The following CHN2 variants were observed in gnomAD, a reference collection of about 807,000 sequenced individuals.
CHN2 encodes chimerin 2.
Under a neutral mutation model 56.3 loss-of-function variants are expected in CHN2, and 35 were observed. That is an observed-to-expected ratio of 0.62 (90% CI 0.47 to 0.82). The LOEUF is 0.82. Among genes scored for constraint, CHN2 ranks in the 40% least tolerant of loss-of-function variants. The pLI, the probability that CHN2 is intolerant of heterozygous loss-of-function variation, is 0.00. For missense variants in CHN2, 491 were observed against 580.5 expected (o/e 0.85, Z 1.58); for synonymous variants, 210 against 212.8 (o/e 0.99, Z 0.12).
chr7:29,163,881 T>G (rs1012233919), intron 2 of CHN2, among the ~76,000 whole-genome samples: 4 of 152,248 alleles, frequency 2.6e-5, no homozygotes, highest in Non-Finnish European at 4.4e-5. Flanking sequence ...CTGAATTCAT[T>G]GCTGAATTGG....
intron 1 of CHN2, among the ~76,000 whole-genome samples, chr7:29,222,916 T>G (rs1483640178): frequency 6.6e-6 from 1 of 152,140 alleles, no homozygotes; most frequent in Non-Finnish European, 1.5e-5. Context: ...AGCAAAGGAA[T>G]AGAATAGAGT....
intron 1 of CHN2, among the ~76,000 whole-genome samples, chr7:29,223,349 G>T (rs114033665): frequency 6.6e-6 from 1 of 152,012 alleles, no homozygotes; most frequent in African/African-American, 2.4e-5. Flanking sequence ...GTCTTGCCTT[G>T]TGTCCACAGC....
chr7:29,505,404 G>A (rs1274320878), intron 10 of CHN2, among the ~76,000 whole-genome samples: 1 of 152,106 alleles, frequency 6.6e-6, no homozygotes, highest in African/African-American at 2.4e-5. Context: ...AAGCCCTACT[G>A]GATAGAGCCT....
intron 1 of CHN2, among the ~76,000 whole-genome samples, chr7:29,215,215 G>A (rs1186899377): frequency 1.3e-5 from 2 of 152,170 alleles, no homozygotes; most frequent in African/African-American, 4.8e-5. Context: ...TACCCAGTCT[G>A]AGATTTTTGT....
chr7:29,213,034 G>A, intron 1 of CHN2: 1 of 1,602,932 alleles, frequency 6.2e-7, no homozygotes, highest in Non-Finnish European at 8.5e-7. Flanking sequence ...CTGTGGAGAG[G>A]AATCTCTGCA....
chr7:29,266,445 C>T (rs185223326), intron 1 of CHN2, among the ~76,000 whole-genome samples: 51 of 152,284 alleles, frequency 3.3e-4, no homozygotes, highest in Admixed American at 5.9e-4. Flanking sequence ...CAGCTTTTGT[C>T]GGTCAATTAC....
intron 2 of CHN2, among the ~76,000 whole-genome samples, chr7:29,182,601 A>G (rs1214771909): frequency 6.6e-6 from 1 of 152,258 alleles, no homozygotes; most frequent in Non-Finnish European, 1.5e-5. Context: ...TAAAATATCA[A>G]TTCAACGTTC....
At chr7:29,255,442 T>C (rs1584882751) in intron 1 of CHN2, among the ~76,000 whole-genome samples, 1 of 152,166 alleles carries the variant, frequency 6.6e-6, no homozygotes, top group Admixed American at 6.5e-5. Context: ...CCCTCCACAC[T>C]GAGAAGCCTT....
intron 1 of CHN2, among the ~76,000 whole-genome samples, chr7:29,311,684 T>C (rs569553182): frequency 6.6e-6 from 1 of 152,312 alleles, no homozygotes; most frequent in South Asian, 2.1e-4. Flanking sequence ...CCCTACCACA[T>C]TGTAGAGGGG....
intron 1 of CHN2, among the ~76,000 whole-genome samples, chr7:29,208,590 C>T (rs1784694917): frequency 6.6e-6 from 1 of 152,086 alleles, no homozygotes; most frequent in East Asian, 1.9e-4. Flanking sequence ...TTAGACTTTG[C>T]TCCTCCTGCT....
intron 6 of CHN2, among the ~76,000 whole-genome samples, chr7:29,467,142 G>A (rs1028928329): frequency 5.3e-5 from 8 of 152,162 alleles, no homozygotes; most frequent in Non-Finnish European, 1.0e-4. Context: ...GTTAGAGCGT[G>A]CACAATATAT....
chr7:29,252,610 A>T (rs1788715358), intron 1 of CHN2, among the ~76,000 whole-genome samples: 1 of 1,932 alleles, frequency 5.2e-4, no homozygotes. Flanking sequence ...TTTTTTTGAG[A>T]CGGAGTCTCG....
intron 1 of CHN2, among the ~76,000 whole-genome samples, chr7:29,328,371 T>C (rs1795965873): frequency 6.6e-6 from 1 of 152,102 alleles, no homozygotes; most frequent in African/African-American, 2.4e-5. Context: ...CTCAAGCCGA[T>C]GAATGGCCAA....
At chr7:29,468,244 A>T (rs974557315) in intron 6 of CHN2, among the ~76,000 whole-genome samples, 2 of 145,866 alleles carry the variant, frequency 1.4e-5, no homozygotes, top group African/African-American at 2.5e-5. Context: ...TGTTCACATG[A>T]TGTGACTTTC....
At chr7:29,384,278 A>G (rs955972523) in intron 3 of CHN2, among the ~76,000 whole-genome samples, 10 of 152,204 alleles carry the variant, frequency 6.6e-5, no homozygotes, top group Admixed American at 4.6e-4. Flanking sequence ...GTTATCCTTG[A>G]GCAATTTCCC....
intron 1 of CHN2, among the ~76,000 whole-genome samples, chr7:29,315,822 C>T (rs111441413): frequency 0.012 from 1,803 of 151,956 alleles, 45 homozygotes; most frequent in African/African-American, 0.04. Flanking sequence ...TTTTTTAAAT[C>T]GTGAAAATGC....
intron 3 of CHN2, among the ~76,000 whole-genome samples, chr7:29,369,081 TATTC>T (rs1799406420): frequency 6.6e-6 from 1 of 152,200 alleles, no homozygotes; most frequent in African/African-American, 2.4e-5. Flanking sequence ...AATCCAATGA[TATTC>T]AATATTTTTT....
chr7:29,430,367 G>T (rs938570824), intron 6 of CHN2, among the ~76,000 whole-genome samples: 2 of 152,182 alleles, frequency 1.3e-5, no homozygotes, highest in African/African-American at 4.8e-5. Flanking sequence ...TAAATTTAAC[G>T]CAGTTTAGTT....
At chr7:29,309,282 T>G (rs1270095614) in intron 1 of CHN2, among the ~76,000 whole-genome samples, 1 of 152,214 alleles carries the variant, frequency 6.6e-6, no homozygotes, top group African/African-American at 2.4e-5. Flanking sequence ...AGTCCAGTCT[T>G]CCAGATGAGC....
Sources: allele counts gnomAD v4.1 joint callset (sites outside exome capture counted in the v4.1 genomes callset), GRCh38; gene constraint gnomAD v4.1.1; transcripts MANE v1.5; gene names NCBI Gene and HGNC (gene_info 2026-07-23, HGNC 2026-07-21).